NELL1: variants seen among roughly 807,000 people sequenced by gnomAD.
The protein encoded by NELL1 is protein kinase C-binding protein NELL1.
Under a neutral mutation model 107.4 loss-of-function variants are expected in NELL1, and 76 were observed. The observed-to-expected ratio is 0.71, with a 90% CI of 0.59 to 0.86. The LOEUF (loss-of-function observed/expected upper bound fraction) is 0.86, where lower values mean the gene tolerates loss of function less well. NELL1 is among the 40% of genes least tolerant of loss of function. The probability of loss-of-function intolerance (pLI) is 0.00; values close to 1 mark genes in which losing one functional copy is unlikely to be tolerated. For synonymous variants in NELL1, 353 were observed against 341.2 expected, an observed-to-expected ratio of 1.03 and a Z score of -0.38; for missense variants, 1,024 against 1,005.5, an observed-to-expected ratio of 1.02 and a Z score of -0.25.
intron 15 of NELL1, among the ~76,000 whole-genome samples, chr11:21,518,511 A>G (rs1855632454): frequency 6.6e-6 from 1 of 152,258 alleles, no homozygotes; most frequent in Non-Finnish European, 1.5e-5. Context: ...TAGGTTTAAC[A>G]TCATGAAGAA....
At chr11:21,503,057 T>G (rs1410580775) in intron 15 of NELL1, among the ~76,000 whole-genome samples, 1 of 152,060 alleles carries the variant, frequency 6.6e-6, no homozygotes, top group African/African-American at 2.4e-5. Flanking sequence ...AATTTTGTAT[T>G]TTTAGTAGAG....
intron 11 of NELL1, among the ~76,000 whole-genome samples, chr11:20,950,464 G>A (rs1483479683): frequency 6.6e-6 from 1 of 152,116 alleles, no homozygotes; most frequent in African/African-American, 2.4e-5. Flanking sequence ...ACAATTTTGT[G>A]AGAAATACTT....
intron 17 of NELL1, among the ~76,000 whole-genome samples, chr11:21,565,274 G>A (rs1324108428): frequency 6.6e-6 from 1 of 151,896 alleles, no homozygotes; most frequent in African/African-American, 2.4e-5. Flanking sequence ...TAGGGGTCCT[G>A]TAAAGGAACA....
intron 14 of NELL1, among the ~76,000 whole-genome samples, chr11:21,281,613 G>A (rs925595703): frequency 6.6e-6 from 1 of 152,118 alleles, no homozygotes; most frequent in Non-Finnish European, 1.5e-5. Flanking sequence ...CCAGTGCTTT[G>A]ATGGCTTAAG....
intron 13 of NELL1, among the ~76,000 whole-genome samples, chr11:21,158,237 C>G (rs1159320636): frequency 1.3e-5 from 2 of 152,168 alleles, no homozygotes; most frequent in Non-Finnish European, 2.9e-5. Context: ...GGCTTCACTT[C>G]CCTACTTTTG....
At chr11:20,808,414 A>G (rs1369644724) in intron 3 of NELL1, among the ~76,000 whole-genome samples, 1 of 151,998 alleles carries the variant, frequency 6.6e-6, no homozygotes, top group African/African-American at 2.4e-5. Context: ...TCACTCTTCC[A>G]TTTCCTCTCC....
chr11:21,507,122 G>A (rs967159663), intron 15 of NELL1, among the ~76,000 whole-genome samples: 36 of 152,176 alleles, frequency 2.4e-4, no homozygotes, highest in African/African-American at 8.4e-4. Context: ...AAGAAGGAAT[G>A]TCAGAATTCA....
chr11:21,315,543 C>G (rs1027229833), intron 14 of NELL1, among the ~76,000 whole-genome samples: 2 of 152,168 alleles, frequency 1.3e-5, no homozygotes, highest in African/African-American at 4.8e-5. Flanking sequence ...TAACAAATGT[C>G]TGATGAAGGT....
At chr11:21,105,363 T>C (rs1404112801) in intron 12 of NELL1, among the ~76,000 whole-genome samples, 4 of 152,264 alleles carry the variant, frequency 2.6e-5, no homozygotes, top group Middle Eastern at 3.4e-3. Flanking sequence ...CTGATTTACA[T>C]AGGGCCAAAA....
At chr11:20,674,381 G>A (rs1853997176) in intron 1 of NELL1, 2 of 822,746 alleles carry the variant, frequency 2.4e-6, no homozygotes, top group Non-Finnish European at 3.9e-6. Context: ...TGTGCCAGAT[G>A]GAGCTGTTGA....
intron 15 of NELL1, among the ~76,000 whole-genome samples, chr11:21,419,264 G>GA (rs1852598986): frequency 6.6e-6 from 1 of 152,046 alleles, no homozygotes; most frequent in African/African-American, 2.4e-5. Flanking sequence ...GAGCTATGAT[G>GA]AAAAATCCCA....
intron 14 of NELL1, among the ~76,000 whole-genome samples, chr11:21,274,800 C>T (rs1446063178): frequency 6.6e-6 from 1 of 152,154 alleles, no homozygotes; most frequent in Non-Finnish European, 1.5e-5. Flanking sequence ...TGAATGACTA[C>T]TGGGTACGTA....
intron 12 of NELL1, among the ~76,000 whole-genome samples, chr11:21,090,876 C>G (rs959407459): frequency 2.6e-5 from 4 of 152,150 alleles, no homozygotes; most frequent in African/African-American, 9.7e-5. Context: ...TATCATATAA[C>G]TGAAAGAGCC....
intron 13 of NELL1, among the ~76,000 whole-genome samples, chr11:21,156,938 C>A (rs375498376): frequency 2.4e-4 from 34 of 139,586 alleles, no homozygotes; most frequent in African/African-American, 2.1e-4. Flanking sequence ...ACTAAAAATA[C>A]AAAAAAAAAA....
intron 13 of NELL1, among the ~76,000 whole-genome samples, chr11:21,195,235 A>G (rs1247692580): frequency 6.6e-6 from 1 of 152,194 alleles, no homozygotes; most frequent in Non-Finnish European, 1.5e-5. Flanking sequence ...AGAATAAGCA[A>G]TACATTGTAC....
chr11:20,710,216 G>A (rs1280566144), intron 2 of NELL1, among the ~76,000 whole-genome samples: 4 of 152,148 alleles, frequency 2.6e-5, no homozygotes, highest in African/African-American at 9.7e-5. Flanking sequence ...TTACCTTGAG[G>A]TATGTCCCTT....
chr11:21,539,275 T>G (rs1856227490), intron 16 of NELL1, among the ~76,000 whole-genome samples: 1 of 152,004 alleles, frequency 6.6e-6, no homozygotes. Flanking sequence ...TAGGGATGGG[T>G]GCCTGAAACT....
intron 12 of NELL1, among the ~76,000 whole-genome samples, chr11:20,976,312 C>T (rs746306584): frequency 2.5e-4 from 38 of 151,714 alleles, no homozygotes; most frequent in Non-Finnish European, 4.7e-4. Flanking sequence ...AATGAATGCC[C>T]ATGACGTGTA....
At chr11:21,248,220 C>T (rs2133906680) in intron 14 of NELL1, among the ~76,000 whole-genome samples, 1 of 151,970 alleles carries the variant, frequency 6.6e-6, no homozygotes, top group East Asian at 1.9e-4. Context: ...TGGCACGCAC[C>T]TTGTGGTCCC....
Sources: allele counts gnomAD v4.1 joint callset (sites outside exome capture counted in the v4.1 genomes callset), GRCh38; gene constraint gnomAD v4.1.1; transcripts MANE v1.5; gene names NCBI Gene and HGNC (gene_info 2026-07-23, HGNC 2026-07-21).